CDK14: variants seen among roughly 807,000 people sequenced by gnomAD.
The protein encoded by CDK14 is cyclin dependent kinase 14, also known as cyclin-dependent kinase 14.
CDK14 carries 34 observed loss-of-function variants against 60.7 expected under a neutral mutation model. The observed-to-expected ratio is 0.56, with a 90% CI of 0.43 to 0.75. CDK14 has a LOEUF of 0.75. CDK14 is among the 30% of genes least tolerant of loss of function. The pLI, the probability that CDK14 is intolerant of heterozygous loss-of-function variation, is 0.00. For missense variants in CDK14, 482 were observed against 564.1 expected (o/e 0.85, Z 1.47); for synonymous variants, 197 against 203.7 (o/e 0.97, Z 0.28).
chr7:90,691,829 T>C (rs1801558862), intron 2 of CDK14, among the ~76,000 whole-genome samples: 1 of 152,176 alleles, frequency 6.6e-6, no homozygotes, highest in Non-Finnish European at 1.5e-5. Context: ...GAGCCAGAAG[T>C]ATTTGCTAAC....
rs1001256674 is a variant in CDK14 at position 90,930,466 on chromosome 7, G to A, written c.826+12742G>A. Among the ~76,000 whole-genome samples the A allele has an allele frequency of 2.0e-5, 3 of 150,684 alleles. No individual in the cohort carries two copies. In the East Asian group the frequency reaches 5.8e-4, roughly 29 times the overall value. Reference sequence around the variant, plus strand: ...CCTTCTATGTGAATGACATGTCTGTGGTCTGCCTTGGATATGGGTGATATG... The same window carrying A: ...CCTTCTATGTGAATGACATGTCTGTAGTCTGCCTTGGATATGGGTGATATG... On this transcript the variant is annotated intron_variant, in intron 8 of 14. Coordinates refer to ENST00000380050, the MANE Select transcript of CDK14 (RefSeq NM_001287135.2).
intron 10 of CDK14, among the ~76,000 whole-genome samples, chr7:90,990,704 A>G (rs1795506343): frequency 6.8e-6 from 1 of 147,836 alleles, no homozygotes; most frequent in Admixed American, 6.6e-5. Context: ...AACAGGAAAT[A>G]GAGAGCCATT....
At position 90,750,213 on chromosome 7, in the gene CDK14, C is replaced by G. The variant is rs1803781441; in HGVS notation, c.464+2438C>G. On this transcript the variant is annotated intron_variant, in intron 4 of 14. Coordinates refer to ENST00000380050, the MANE Select transcript of CDK14 (RefSeq NM_001287135.2). Reference sequence around the variant, plus strand: ...ACACACACACACACCAATAATATTACAGAGAAAGAAAAAGAAAAAATGCAA... The same window carrying G: ...ACACACACACACACCAATAATATTAGAGAGAAAGAAAAAGAAAAAATGCAA... Among the ~76,000 whole-genome samples the G allele has an allele frequency of 4.1e-5, 6 of 147,876 alleles. No individual in the cohort carries two copies. The South Asian group carries it at 1.3e-3, about 32-fold the overall frequency.
intron 9 of CDK14, among the ~76,000 whole-genome samples, chr7:90,961,841 T>A (rs1042696562): frequency 1.2e-4 from 19 of 152,226 alleles, no homozygotes; most frequent in Non-Finnish European, 2.4e-4. Context: ...TTTATTATTA[T>A]ACCAGGACAC....
intron 14 of CDK14, among the ~76,000 whole-genome samples, chr7:91,161,820 G>A (rs571819749): frequency 1.4e-4 from 21 of 152,112 alleles, no homozygotes; most frequent in Non-Finnish European, 1.9e-4. Context: ...CTTGACATTC[G>A]GCACATAGCT....
At position 90,705,300 on chromosome 7, in the gene CDK14, T is replaced by TA. The variant is rs201082543; in HGVS notation, c.124-21259dup. The stretch of plus-strand genomic sequence containing the variant: ...TAGTGTTTCTTTTTCCTTGTTCTGT[T>TA]AAAAAAAAGTGTTTTCCCTTCACAG... On this transcript the variant is annotated intron_variant, in intron 2 of 14. Transcript: ENST00000380050. Among the ~76,000 whole-genome samples, 257 of 151,518 alleles carry TA rather than the reference T, an allele frequency of 1.7e-3. 1 individual carries two copies. Among genetic ancestry groups the TA allele is most frequent in the East Asian group, 2.9e-3 (15 of 5,148 alleles).
intron 5 of CDK14, among the ~76,000 whole-genome samples, chr7:90,847,006 A>G (rs1045968262): frequency 6.6e-6 from 1 of 152,184 alleles, no homozygotes; most frequent in African/African-American, 2.4e-5. Context: ...ATCCCAGCAG[A>G]AGAGTTTTTG....
chr7:90,770,977 G>T (rs1341567343), intron 4 of CDK14, among the ~76,000 whole-genome samples: 2 of 152,174 alleles, frequency 1.3e-5, no homozygotes, highest in African/African-American at 4.8e-5. Context: ...TCAGTCTAGA[G>T]AGAATCCCCT....
In CDK14 at chr7:90,700,427, G is replaced by A. The variant is rs528667769; in HGVS notation, c.124-26140G>A. On this transcript the variant is annotated intron_variant, in intron 2 of 14. Transcript: ENST00000380050. The stretch of plus-strand genomic sequence containing the variant: ...CATCTTTGAACCATATGTTCAAACC[G>A]TACTTGGAGTACTTGGCAGAGTACT... 1.8e-4 allele frequency among the ~76,000 whole-genome samples: 27 copies of A among 152,202 alleles called. 1 individual carries two copies. The highest frequency in any genetic ancestry group is 2.2e-4 in the Non-Finnish European group (15 of 68,008).
intron 8 of CDK14, among the ~76,000 whole-genome samples, chr7:90,921,364 C>G (rs951729747): frequency 6.6e-6 from 1 of 152,044 alleles, no homozygotes; most frequent in Non-Finnish European, 1.5e-5. Context: ...CAAAGGGGCC[C>G]CCTTTCTGAA....
chr7:90,817,678 A>G (rs1422519248), intron 5 of CDK14, among the ~76,000 whole-genome samples: 2 of 152,178 alleles, frequency 1.3e-5, no homozygotes, highest in Non-Finnish European at 2.9e-5. Context: ...CCTGTGTAAT[A>G]TTTTTTAAAA....
chr7:90,877,659 T>C (rs1353424106), intron 6 of CDK14, among the ~76,000 whole-genome samples: 1 of 152,086 alleles, frequency 6.6e-6, no homozygotes, highest in African/African-American at 2.4e-5. Context: ...GAAAGAAAAA[T>C]GTTGAGTATT....
At chr7:90,988,877 T>C (rs1208823353) in intron 10 of CDK14, among the ~76,000 whole-genome samples, 1 of 152,210 alleles carries the variant, frequency 6.6e-6, no homozygotes, top group Non-Finnish European at 1.5e-5. Context: ...CTGGGTCTCC[T>C]GGCTTATAAT....
intron 5 of CDK14, among the ~76,000 whole-genome samples, chr7:90,859,195 T>C (rs1790925305): frequency 6.6e-6 from 1 of 152,214 alleles, no homozygotes; most frequent in African/African-American, 2.4e-5. Flanking sequence ...ACCCTTCTTA[T>C]TGCCTTCCCC....
intron 1 of CDK14, among the ~76,000 whole-genome samples, 167 bp from the exon 2 acceptor site, chr7:90,604,051 A>G (rs1451299527): frequency 6.6e-6 from 1 of 152,164 alleles, no homozygotes; most frequent in African/African-American, 2.4e-5. Context: ...ATTCTCTTTC[A>G]TTTGCAGTTT....
chr7:90,828,101 T>G (rs1432764438), intron 5 of CDK14, among the ~76,000 whole-genome samples: 1 of 152,256 alleles, frequency 6.6e-6, no homozygotes, highest in African/African-American at 2.4e-5. Flanking sequence ...TTCCTAAACT[T>G]AACCTCCAAG....
intron 4 of CDK14, among the ~76,000 whole-genome samples, chr7:90,759,389 T>A (rs1804223957): frequency 6.6e-6 from 1 of 152,182 alleles, no homozygotes; most frequent in African/African-American, 2.4e-5. Flanking sequence ...CAGATTCACT[T>A]TGATTATTGT....
At chr7:90,627,066 G>C (rs1201989793) in intron 2 of CDK14, among the ~76,000 whole-genome samples, 5 of 151,898 alleles carry the variant, frequency 3.3e-5, no homozygotes, top group Admixed American at 1.3e-4. Context: ...AATATAATTT[G>C]GACATTAAAG....
At chr7:90,737,361 A>G (rs1803163685) in intron 3 of CDK14, among the ~76,000 whole-genome samples, 1 of 152,234 alleles carries the variant, frequency 6.6e-6, no homozygotes. Flanking sequence ...TCATCACCAT[A>G]AAAATCTATA....
Sources: gnomAD v4.1 joint callset for allele counts (sites outside exome capture counted in the v4.1 genomes callset) on GRCh38, gnomAD v4.1.1 for gene constraint, MANE v1.5 for transcripts, NCBI Gene and HGNC (gene_info 2026-07-23, HGNC 2026-07-21) for gene names.